The following PPP2R3A variants were observed in gnomAD, a reference collection of about 807,000 sequenced individuals.
PPP2R3A encodes the protein protein phosphatase 2 regulatory subunit B''alpha.
A neutral mutation model predicts 106.9 loss-of-function variants in PPP2R3A; 80 were observed. That is an observed-to-expected ratio of 0.75 (90% CI 0.62 to 0.90). The LOEUF (loss-of-function observed/expected upper bound fraction) is 0.90. PPP2R3A is among the 40% of genes least tolerant of loss of function. PPP2R3A has a pLI of 0.00. For missense variants in PPP2R3A, 1,386 were observed against 1,350.4 expected (o/e 1.03, Z -0.41); for synonymous variants, 483 against 468.3 (o/e 1.03, Z -0.41).
At chr3:135,995,366 C>G (rs1287864022) in intron 1 of PPP2R3A, among the ~76,000 whole-genome samples, 1 of 151,078 alleles carries the variant, frequency 6.6e-6, no homozygotes, top group African/African-American at 2.4e-5. Context: ...TAAGAAAAAA[C>G]TCTATTGATT....
intron 13 of PPP2R3A, among the ~76,000 whole-genome samples, chr3:136,130,891 A>T (rs1359509247): frequency 6.6e-6 from 1 of 152,238 alleles, no homozygotes; most frequent in African/African-American, 2.4e-5. Context: ...AAACCTGACA[A>T]AAACAAGAAA....
chr3:136,014,490 A>AT (rs1017273406), intron 2 of PPP2R3A, among the ~76,000 whole-genome samples: 6 of 151,910 alleles, frequency 3.9e-5, no homozygotes, highest in Non-Finnish European at 8.8e-5. Flanking sequence ...GTCATCTATG[A>AT]TTTTTTTGGC....
intron 12 of PPP2R3A, 131 bp from the exon 13 acceptor site, chr3:136,106,085 T>A: frequency 1.3e-6 from 1 of 767,616 alleles, no homozygotes; most frequent in East Asian, 2.9e-5. Context: ...TTAGCACCTC[T>A]TTTAAACCTG....
At chr3:136,080,042 A>G (rs570623317) in intron 7 of PPP2R3A, among the ~76,000 whole-genome samples, 53 of 152,198 alleles carry the variant, frequency 3.5e-4, no homozygotes, top group Non-Finnish European at 6.6e-4. Flanking sequence ...GGGGACCCAT[A>G]TCATCTGTGG....
intron 4 of PPP2R3A, among the ~76,000 whole-genome samples, chr3:136,047,303 A>G (rs1935504171): frequency 6.6e-6 from 1 of 152,318 alleles, no homozygotes; most frequent in African/African-American, 2.4e-5. Flanking sequence ...TATATACCCA[A>G]AGAAAAATAA....
intron 13 of PPP2R3A, among the ~76,000 whole-genome samples, chr3:136,138,431 CA>C (rs1938708949): frequency 6.6e-6 from 1 of 152,176 alleles, no homozygotes; most frequent in Non-Finnish European, 1.5e-5. Flanking sequence ...CTTTAACCAT[CA>C]AAACTGAAGT....
At chr3:136,022,516 G>A (rs1334558195) in intron 2 of PPP2R3A, among the ~76,000 whole-genome samples, 1 of 151,958 alleles carries the variant, frequency 6.6e-6, no homozygotes, top group Non-Finnish European at 1.5e-5. Flanking sequence ...TTTCAAATTC[G>A]AAGTTCAGTA....
chr3:136,100,780 A>ATG (rs932190950), intron 10 of PPP2R3A, among the ~76,000 whole-genome samples: 2 of 152,148 alleles, frequency 1.3e-5, no homozygotes, highest in African/African-American at 4.8e-5. Context: ...GCAGTGAGCC[A>ATG]TGTTGTGCCT....
intron 8 of PPP2R3A, among the ~76,000 whole-genome samples, chr3:136,083,831 CT>C (rs1249890737): frequency 6.6e-6 from 1 of 152,220 alleles, no homozygotes; most frequent in Non-Finnish European, 1.5e-5. Context: ...GTAAAGGTCA[CT>C]CTTGCTATGC....
At chr3:136,055,954 C>G (rs1576467285) in intron 5 of PPP2R3A, among the ~76,000 whole-genome samples, 1 of 152,074 alleles carries the variant, frequency 6.6e-6, no homozygotes, top group African/African-American at 2.4e-5. Flanking sequence ...AGTGGAGGAG[C>G]CTGACAGATA....
At position 136,026,888 on chromosome 3, in the gene PPP2R3A, T is replaced by A; in HGVS notation, c.2052T>A (p.Ser684=). ...PGTPLPPPAT[S]PSSPRPLSPV... is the part of the protein sequence containing the mutation. ...CACCACTCCCACCTCCAGCCACCTC[T>A]CCAAGTAGTCCCCGACCTCTCTCCC... The change falls in exon 3 of 14, where the codon TCT becomes TCA. Residue 684 remains serine (S), a synonymous_variant. Coordinates refer to ENST00000264977, the MANE Select transcript of PPP2R3A (RefSeq NM_002718.5). The A allele has an allele frequency of 6.2e-7, 1 of 1,612,884 alleles. No homozygotes were observed. Among genetic ancestry groups the A allele is most frequent in the Non-Finnish European group, 8.5e-7 (1 of 1,178,988 alleles).
chr3:136,130,371 T>A (rs1938363568), intron 13 of PPP2R3A, among the ~76,000 whole-genome samples: 1 of 150,914 alleles, frequency 6.6e-6, no homozygotes, highest in Non-Finnish European at 1.5e-5. Context: ...TATCTACCAA[T>A]AACAAACAGC....
In PPP2R3A at chr3:136,078,542, C is replaced by T. The variant is rs1936670468; in HGVS notation, c.2631+89C>T. 7 of 795,070 alleles carry T rather than the reference C, an allele frequency of 8.8e-6. No homozygotes were observed. In the South Asian group the frequency reaches 1.2e-4, roughly 13 times the overall value. The allele number at this position is 795,070 out of a possible 1,614,324, so 49.3% of individuals were successfully genotyped here. On this transcript the variant is annotated intron_variant, in intron 7 of 13. Transcript: ENST00000264977. ...CAAATATTTGAGCGCTTACTCTATTCAAAGCACTGTCACTACTTTCAGTCA... is the reference window on the plus strand; with the variant it reads ...CAAATATTTGAGCGCTTACTCTATTTAAAGCACTGTCACTACTTTCAGTCA...
chr3:135,979,307 A>G (rs1436125450), intron 1 of PPP2R3A, among the ~76,000 whole-genome samples: 2 of 151,524 alleles, frequency 1.3e-5, no homozygotes, highest in Non-Finnish European at 2.9e-5. Flanking sequence ...TGAACTCAGG[A>G]GGCGGAGGTT....
At chr3:135,997,818 A>G (rs1350186994) in intron 1 of PPP2R3A, among the ~76,000 whole-genome samples, 7 of 152,042 alleles carry the variant, frequency 4.6e-5, no homozygotes, top group Non-Finnish European at 8.8e-5. Context: ...CTTTGTTATT[A>G]CTGTCACCTA....
At chr3:136,029,325 C>CTCCTGTG (rs1196971386) in intron 3 of PPP2R3A, among the ~76,000 whole-genome samples, 4 of 152,186 alleles carry the variant, frequency 2.6e-5, no homozygotes, top group Admixed American at 2.6e-4. Flanking sequence ...GGAGCCCATT[C>CTCCTGTG]TCCTGTGTCT....
chr3:136,020,804 T>G (rs992493209), intron 2 of PPP2R3A, among the ~76,000 whole-genome samples: 1 of 152,096 alleles, frequency 6.6e-6, no homozygotes, highest in Non-Finnish European at 1.5e-5. Context: ...CATTAGTTGC[T>G]CTGTTTCAGA....
Position 136,090,580 on chromosome 3 carries a change from GA to G in PPP2R3A, c.2845del (p.Thr949GlnfsTer8). 6.2e-7 allele frequency: 1 copy of G among 1,612,462 alleles called. No individual in the cohort carries two copies. The highest frequency in any genetic ancestry group is 8.5e-7 in the Non-Finnish European group (1 of 1,178,910). Reference sequence around the variant, plus strand: ...TTATAACCATGTGTTTTCTTTAGGGGAAAAACAATACAGAAAGAGGGAAGAA... The same window carrying G: ...TTATAACCATGTGTTTTCTTTAGGGGAAAACAATACAGAAAGAGGGAAGAA... Reference protein sequence around the residue: ...ERIFSGAVTRGKTIQKEGRMS... With the variant: ...ERIFSGAVTRXKTIQKEGRMS... On this transcript the variant is annotated frameshift_variant, in exon 10 of 14. Coordinates refer to ENST00000264977, the MANE Select transcript of PPP2R3A (RefSeq NM_002718.5). LOFTEE classifies it high-confidence loss of function.
At chr3:136,057,156 C>A (rs1436492497) in intron 5 of PPP2R3A, among the ~76,000 whole-genome samples, 1 of 151,800 alleles carries the variant, frequency 6.6e-6, no homozygotes, top group Non-Finnish European at 1.5e-5. Context: ...CTCAAAAAAA[C>A]TAAAAATAGA....
Sources: allele counts gnomAD v4.1 joint callset (sites outside exome capture counted in the v4.1 genomes callset), GRCh38; gene constraint gnomAD v4.1.1; transcripts MANE v1.5; gene names NCBI Gene and HGNC (gene_info 2026-07-23, HGNC 2026-07-21).